Variants in SDHA observed in about 807,000 individuals in gnomAD.
The protein encoded by SDHA is succinate dehydrogenase [ubiquinone] flavoprotein subunit, mitochondrial.
SDHA carries 48 observed loss-of-function variants against 78.4 expected under a neutral mutation model. That is an observed-to-expected ratio of 0.61 (90% CI 0.49 to 0.78). The LOEUF is 0.78. SDHA is among the 30% of genes least tolerant of loss of function. The pLI, the probability that SDHA is intolerant of heterozygous loss-of-function variation, is 0.00. For synonymous variants in SDHA, 326 were observed against 353.9 expected (o/e 0.92, Z 0.88); for missense variants, 680 against 892.7 (o/e 0.76, Z 3.04).
intron 2 of SDHA, among the ~76,000 whole-genome samples, chr5:224,130 A>C (rs1340757590): frequency 6.6e-6 from 1 of 152,202 alleles, no homozygotes; most frequent in African/African-American, 2.4e-5. Flanking sequence ...GTCTGACCCC[A>C]TGGGATAGAC....
chr5:266,159 G>A, the SDHA span, among the ~76,000 whole-genome samples: 1 of 152,258 alleles, frequency 6.6e-6, no homozygotes, highest in African/African-American at 2.4e-5. Context: ...GGATGACTTG[G>A]TCCAATAAAT....
intron 9 of SDHA, chr5:236,071 C>G (rs6873834): frequency 0.05 from 16,686 of 336,962 alleles, 2,564 homozygotes; most frequent in African/African-American, 0.32. Flanking sequence ...GTTGCTTCGG[C>G]TGGAGAGCAG....
the SDHA span, among the ~76,000 whole-genome samples, chr5:265,808 G>A: frequency 7.0e-6 from 1 of 143,578 alleles, no homozygotes; most frequent in Non-Finnish European, 1.5e-5. Context: ...CAACAAGAGC[G>A]AGATTCTGTC....
At chr5:260,110 G>A (rs1247027031), downstream of SDHA, among the ~76,000 whole-genome samples, 7 of 8,988 alleles carry the variant, frequency 7.8e-4, no homozygotes, top group African/African-American at 3.6e-3. Flanking sequence ...TCCGCCTCCC[G>A]TCAGAGCATT....
intron 11 of SDHA, among the ~76,000 whole-genome samples, chr5:242,281 G>A (rs772308050): frequency 6.6e-6 from 1 of 152,158 alleles, no homozygotes; most frequent in African/African-American, 2.4e-5. Flanking sequence ...TGGCCATGAC[G>A]CCCACGCTAG....
In SDHA at chr5:233,579, T is replaced by C. The variant is rs1334921669; in HGVS notation, c.998T>C (p.Val333Ala). ...AGGTTTATGGAGCGATACGCCCCTGTCGCGAAGGACCTGGCGTCTAGAGAT... is the reference window on the plus strand; with the variant it reads ...AGGTTTATGGAGCGATACGCCCCTGCCGCGAAGGACCTGGCGTCTAGAGAT... ...GERFMERYAP[V>A]AKDLASRDVV... The change falls in exon 8 of 15, where the codon GTC becomes GCC. Residue 333 changes from valine to alanine, a missense_variant. Val to Ala is a moderately conservative substitution (Grantham distance 64, BLOSUM62 0). Coordinates refer to ENST00000264932, the MANE Select transcript of SDHA (RefSeq NM_004168.4). 6 of 1,614,094 alleles carry C rather than the reference T, an allele frequency of 3.7e-6. No homozygotes were observed. Among genetic ancestry groups the C allele is most frequent in the African/African-American group, 2.7e-5 (2 of 74,936 alleles).
chr5:235,237 A>C lies in SDHA; in HGVS notation c.1158A>C (p.Thr386=), dbSNP rs2126584886. ...LATRLPGISE[T]AMIFAGVDVT... is the part of the protein sequence containing the mutation. ...CGCGCCTGCCTGGCATTTCAGAGAC[A>C]GCCATGATCTTCGCTGGCGTGGACG... Residue 386 remains threonine, a synonymous_variant, in exon 9 of 15, where the codon ACA becomes ACC. Transcript: ENST00000264932. 1 of 1,614,058 alleles carries C rather than the reference A, an allele frequency of 6.2e-7. No homozygotes were observed. The highest frequency in any genetic ancestry group is 8.5e-7 in the Non-Finnish European group (1 of 1,179,916).
intron 1 of SDHA, among the ~76,000 whole-genome samples, chr5:221,056 G>T (rs546989293): frequency 6.6e-6 from 1 of 151,934 alleles, no homozygotes; most frequent in African/African-American, 2.4e-5. Context: ...CTCGTGATCC[G>T]CCCGCCTCGG....
chr5:265,957 T>A, the SDHA span, among the ~76,000 whole-genome samples: 1 of 150,866 alleles, frequency 6.6e-6, no homozygotes, highest in African/African-American at 2.5e-5. Context: ...ATCTTCCGAT[T>A]CAGTCCTGGG....
At chr5:266,535 C>T in the SDHA span, among the ~76,000 whole-genome samples, 3 of 152,140 alleles carry the variant, frequency 2.0e-5, no homozygotes, top group Admixed American at 6.5e-5. Context: ...AGTCATGGAA[C>T]GATGTTTCAT....
At position 223,630 on chromosome 5, in the gene SDHA, T is replaced by C. The variant is rs567450394; in HGVS notation, c.150+62T>C. On this transcript the variant is annotated intron_variant, in intron 2 of 14. Transcript: ENST00000264932. ...TTTTGGCTTAGGGGGTAAGGATCTA[T>C]ACCAGTTTGTTTTCATATGAGTCAT... The C allele has an allele frequency of 7.6e-4, 972 of 1,274,782 alleles. 13 individuals are homozygous for C. The South Asian group carries it at 0.011, about 14-fold the overall frequency. 79.0% of individuals were successfully genotyped at this position (1,274,782 alleles called of 1,614,324 possible).
At chr5:251,819 G>A (rs1736851589) in intron 13 of SDHA, 6 of 1,173,208 alleles carry the variant, frequency 5.1e-6, no homozygotes, top group South Asian at 4.5e-5. Flanking sequence ...AGCCTGCCCT[G>A]TGGAGGAAAT....
chr5:249,146 T>C (rs1026021820), intron 11 of SDHA: 2 of 401,352 alleles, frequency 5.0e-6, no homozygotes, highest in Non-Finnish European at 4.8e-6. Context: ...GATTAGCAGC[T>C]GGTAATCCAT....
intron 14 of SDHA, among the ~76,000 whole-genome samples, chr5:255,315 A>G (rs1373737971): frequency 2.6e-5 from 4 of 151,600 alleles, no homozygotes; most frequent in African/African-American, 7.3e-5. Flanking sequence ...GACTCTCACT[A>G]TCATCTAGTG....
chr5:226,853 C>G (rs1735059804), intron 5 of SDHA, among the ~76,000 whole-genome samples: 2 of 146,332 alleles, frequency 1.4e-5, no homozygotes, highest in Non-Finnish European at 3.0e-5. Context: ...GGCGTGAACC[C>G]AGGAGGCGGA....
intron 11 of SDHA, among the ~76,000 whole-genome samples, chr5:241,889 G>A (rs1451065979): frequency 6.6e-6 from 1 of 152,236 alleles, no homozygotes; most frequent in Non-Finnish European, 1.5e-5. Context: ...ATGCCCTGCA[G>A]TACTATTGTA....
At chr5:235,434 A>G (rs1053326336) in intron 9 of SDHA, 95 bp downstream of exon 9, 1 of 1,194,560 alleles carries the variant, frequency 8.4e-7, no homozygotes, top group Non-Finnish European at 1.2e-6. Flanking sequence ...AGGAAAAGAT[A>G]GATGTTTCCT....
downstream of SDHA, among the ~76,000 whole-genome samples, chr5:257,659 C>T (rs536834886): frequency 8.2e-6 from 1 of 121,994 alleles, no homozygotes. Context: ...CAGAGCATTA[C>T]TGGGTGAGCT....
chr5:265,791 G>T, the SDHA span, among the ~76,000 whole-genome samples: 8 of 151,134 alleles, frequency 5.3e-5, no homozygotes, highest in African/African-American at 2.0e-4. Flanking sequence ...TTGCACTCCA[G>T]CCTGGGCAAC....
Sources: allele counts gnomAD v4.1 joint callset (sites outside exome capture counted in the v4.1 genomes callset), GRCh38; gene constraint gnomAD v4.1.1; transcripts MANE v1.5; gene names NCBI Gene and HGNC (gene_info 2026-07-23, HGNC 2026-07-21).